The following WDFY2 variants were observed in gnomAD, a reference collection of about 807,000 sequenced individuals.
WDFY2 encodes the protein WD repeat and FYVE domain-containing protein 2.
Under a neutral mutation model 56.4 loss-of-function variants are expected in WDFY2, and 36 were observed. The ratio of observed to expected loss-of-function variants is 0.64; its 90% CI spans 0.49 to 0.84. WDFY2 has a LOEUF of 0.84. WDFY2 is among the 40% of genes least tolerant of loss of function. The pLI is 0.00. For synonymous variants in WDFY2, 176 were observed against 183.7 expected (o/e 0.96, Z 0.34); for missense variants, 444 against 512.2 (o/e 0.87, Z 1.29).
chr13:51,701,405 C>G (rs1951981441), intron 3 of WDFY2, among the ~76,000 whole-genome samples: 1 of 151,292 alleles, frequency 6.6e-6, no homozygotes, highest in Non-Finnish European at 1.5e-5. Flanking sequence ...CCTGTAGTCT[C>G]AGCTACTCAG....
At chr13:51,628,204 C>A (rs1359737095) in intron 1 of WDFY2, among the ~76,000 whole-genome samples, 1 of 152,236 alleles carries the variant, frequency 6.6e-6, no homozygotes, top group Non-Finnish European at 1.5e-5. Context: ...GCTGAGCCGC[C>A]CCTCAGGCCC....
At chr13:51,728,000 A>G (rs75042861) in intron 6 of WDFY2, among the ~76,000 whole-genome samples, 3,321 of 152,296 alleles carry the variant, frequency 0.022, 113 homozygotes, top group African/African-American at 0.075. Flanking sequence ...AGAGAAACCA[A>G]TCTATTTTGA....
intron 1 of WDFY2, chr13:51,598,296 T>A (rs1954192576): frequency 6.6e-6 from 1 of 151,638 alleles, no homozygotes; most frequent in South Asian, 2.1e-4. Flanking sequence ...GAGGTGGAGG[T>A]TGCAGTGAGC....
At chr13:51,606,055 C>G (rs2138323733) in intron 1 of WDFY2, among the ~76,000 whole-genome samples, 1 of 152,338 alleles carries the variant, frequency 6.6e-6, no homozygotes. Flanking sequence ...GTAACATCTA[C>G]TTGGACTATA....
At chr13:51,675,092 CT>C (rs1462027906) in intron 2 of WDFY2, 77 bp from the exon 3 acceptor site, 2 of 1,344,712 alleles carry the variant, frequency 1.5e-6, no homozygotes, top group African/African-American at 1.4e-5. Flanking sequence ...CAGCCCCACA[CT>C]TTTAGCTAGT....
intron 1 of WDFY2, among the ~76,000 whole-genome samples, chr13:51,621,155 A>G (rs963632387): frequency 6.6e-6 from 1 of 152,214 alleles, no homozygotes; most frequent in Non-Finnish European, 1.5e-5. Context: ...ACACAAACGC[A>G]TACTTTTAAT....
intron 1 of WDFY2, among the ~76,000 whole-genome samples, chr13:51,646,981 T>C (rs1173921282): frequency 1.3e-5 from 2 of 152,234 alleles, no homozygotes; most frequent in East Asian, 1.9e-4. Flanking sequence ...TGAATGCGTA[T>C]AGACTTTTTT....
intron 2 of WDFY2, among the ~76,000 whole-genome samples, chr13:51,666,270 C>T (rs1052682535): frequency 1.3e-5 from 2 of 152,202 alleles, no homozygotes; most frequent in Non-Finnish European, 2.9e-5. Flanking sequence ...CCTCAGCTTA[C>T]ACTGATGTGT....
At chr13:51,604,809 T>C (rs9535715) in intron 1 of WDFY2, among the ~76,000 whole-genome samples, 1 of 152,008 alleles carries the variant, frequency 6.6e-6, no homozygotes, top group Non-Finnish European at 1.5e-5. Context: ...GGAGGTCTAG[T>C]TAAAGGTTAA....
chr13:51,633,070 G>T (rs1954982874), intron 1 of WDFY2, among the ~76,000 whole-genome samples: 1 of 152,236 alleles, frequency 6.6e-6, no homozygotes, highest in Non-Finnish European at 1.5e-5. Flanking sequence ...GGCAGACTTT[G>T]TCTTTGTTCA....
intron 1 of WDFY2, among the ~76,000 whole-genome samples, chr13:51,655,474 T>C (rs1010358529): frequency 5.3e-5 from 8 of 152,088 alleles, no homozygotes; most frequent in African/African-American, 1.9e-4. Flanking sequence ...ATTCTATTAA[T>C]GTGCCGTATC....
rs76205864 is a variant in WDFY2, at chr13:51,686,331, C to T, written c.279+11088C>T. 6.3e-3 allele frequency among the ~76,000 whole-genome samples: 961 copies of T among 152,206 alleles called. 13 individuals are homozygous for T. Among genetic ancestry groups the T allele is most frequent in the East Asian group, 0.021 (110 of 5,176 alleles). Reference sequence around the variant, plus strand: ...ATGAGGTACCTTAAAGGTCTTGGCACTCAGTAAGCCCTCAGAAAGTGGTAA... The same window carrying T: ...ATGAGGTACCTTAAAGGTCTTGGCATTCAGTAAGCCCTCAGAAAGTGGTAA... On this transcript the variant is annotated intron_variant, in intron 3 of 11. Transcript: ENST00000298125.
Position 51,718,559 on chromosome 13 carries a change from T to TACACACACAC in WDFY2, c.335-604_335-595dup, listed in dbSNP as rs71192015. On this transcript the variant is annotated intron_variant, in intron 4 of 11. Coordinates refer to ENST00000298125, the MANE Select transcript of WDFY2 (RefSeq NM_052950.4). ...GGAAATTTGCTCTTATTATCATTCA[T>TACACACACAC]ACACACACACACACACACACACACA... Among the ~76,000 whole-genome samples, 277 of 138,756 alleles carry TACACACACAC rather than the reference T, an allele frequency of 2.0e-3. 4 individuals are homozygous for TACACACACAC. Among genetic ancestry groups the TACACACACAC allele is most frequent in the African/African-American group, 4.9e-3 (184 of 37,464 alleles). 91.0% of individuals were successfully genotyped at this position (138,756 alleles called of 152,430 possible).
chr13:51,597,988 A>G (rs1489104586), intron 1 of WDFY2, among the ~76,000 whole-genome samples: 1 of 152,172 alleles, frequency 6.6e-6, no homozygotes, highest in Non-Finnish European at 1.5e-5. Context: ...GATTTCCACA[A>G]GGTCTAATAT....
At chr13:51,624,611 A>G (rs1411307411) in intron 1 of WDFY2, among the ~76,000 whole-genome samples, 1 of 152,234 alleles carries the variant, frequency 6.6e-6, no homozygotes, top group Non-Finnish European at 1.5e-5. Context: ...ATCATGATTG[A>G]TAAGCCTATG....
chr13:51,671,284 T>C (rs1287351014), intron 2 of WDFY2, among the ~76,000 whole-genome samples: 4 of 152,182 alleles, frequency 2.6e-5, no homozygotes, highest in Non-Finnish European at 5.9e-5. Flanking sequence ...ATTTAAGGAA[T>C]CTCCACACTG....
intron 1 of WDFY2, among the ~76,000 whole-genome samples, chr13:51,596,966 T>C (rs1461530488): frequency 6.6e-6 from 1 of 152,204 alleles, no homozygotes; most frequent in African/African-American, 2.4e-5. Context: ...CAGTTCAGTG[T>C]AGTATACGGA....
chr13:51,727,075 A>C (rs1952620135), intron 5 of WDFY2, among the ~76,000 whole-genome samples: 1 of 152,218 alleles, frequency 6.6e-6, no homozygotes, highest in South Asian at 2.1e-4. Context: ...ATACATTGTG[A>C]AATACAGATT....
intron 1 of WDFY2, among the ~76,000 whole-genome samples, chr13:51,624,189 G>C (rs1326223406): frequency 1.3e-5 from 2 of 152,214 alleles, no homozygotes; most frequent in African/African-American, 4.8e-5. Flanking sequence ...GATAGAGTCT[G>C]AACTTGCTGA....
Sources: allele counts gnomAD v4.1 joint callset (sites outside exome capture counted in the v4.1 genomes callset), GRCh38; gene constraint gnomAD v4.1.1; transcripts MANE v1.5; gene names NCBI Gene and HGNC (gene_info 2026-07-23, HGNC 2026-07-21).